Variants in HSPA4L observed in about 807,000 individuals in gnomAD.
HSPA4L encodes heat shock 70 kDa protein 4L.
HSPA4L carries 48 observed loss-of-function variants against 100.3 expected under a neutral mutation model. The observed-to-expected ratio is 0.48, with a 90% CI of 0.38 to 0.61. HSPA4L has a LOEUF of 0.61. Among genes scored for constraint, HSPA4L ranks in the 20% least tolerant of loss-of-function variants. The probability of loss-of-function intolerance (pLI) is 0.00; values close to 1 mark genes in which losing one functional copy is unlikely to be tolerated. For missense variants in HSPA4L, 886 were observed against 988.6 expected (o/e 0.90, Z 1.39); for synonymous variants, 319 against 328.2 (o/e 0.97, Z 0.30).
At chr4:127,791,302 GGAA>G (rs1235323097) in intron 1 of HSPA4L, among the ~76,000 whole-genome samples, 1 of 152,118 alleles carries the variant, frequency 6.6e-6, no homozygotes, top group Admixed American at 6.5e-5. Flanking sequence ...GGGCCCCATT[GGAA>G]GAAGAAGAAT....
rs546253814 is a variant in HSPA4L, at chr4:127,833,520, T to G, written c.*646T>G. ...TGCTTCTTTTATTAGTAATGTGGAT[T>G]GATGTTTTCTCAGAGTAACTCGTTG... On this transcript the variant is annotated 3_prime_UTR_variant, in exon 19 of 19. Coordinates refer to ENST00000296464, the MANE Select transcript of HSPA4L (RefSeq NM_014278.4). 3.3e-5 allele frequency: 5 copies of G among 152,298 alleles called. No homozygotes were observed. In the South Asian group the frequency reaches 6.2e-4, roughly 19 times the overall value. 9.4% of individuals were successfully genotyped at this position (152,298 alleles called of 1,614,324 possible).
At position 127,825,057 on chromosome 4, in the gene HSPA4L, G is replaced by A. The variant is rs866922983; in HGVS notation, c.2046+1433G>A. On this transcript the variant is annotated intron_variant, in intron 16 of 18. Transcript: ENST00000296464. ...CTGGAGGCTGAGGCAGGAGAATGGC[G>A]TGAACCCAGGAGGTGGAACTTGCAG... 2.0e-4 allele frequency among the ~76,000 whole-genome samples: 30 copies of A among 151,718 alleles called. 1 individual carries two copies. The highest frequency in any genetic ancestry group is 1.9e-4 in the East Asian group (1 of 5,168).
intron 3 of HSPA4L, among the ~76,000 whole-genome samples, chr4:127,797,890 A>G (rs907829077): frequency 6.6e-6 from 1 of 152,076 alleles, no homozygotes; most frequent in Non-Finnish European, 1.5e-5. Flanking sequence ...GAATATTCTT[A>G]TACAAAAGAA....
intron 11 of HSPA4L, among the ~76,000 whole-genome samples, chr4:127,808,784 G>A (rs1733434903): frequency 1.3e-5 from 2 of 152,130 alleles, no homozygotes; most frequent in South Asian, 2.1e-4. Context: ...TTAGCTGGGT[G>A]TGGTGGCACA....
chr4:127,805,713 A>G lies in HSPA4L; in HGVS notation c.1164A>G (p.Lys388=), dbSNP rs761190089. The G allele has an allele frequency of 1.4e-5, 22 of 1,612,496 alleles. 2 individuals carry two copies. The South Asian group carries it at 2.4e-4, about 18-fold the overall frequency. Residue 388 remains lysine, a synonymous_variant, in exon 10 of 19, where the codon AAA becomes AAG. Coordinates refer to ENST00000296464, the MANE Select transcript of HSPA4L (RefSeq NM_014278.4). ...LQCAILSPAF[K]VREFSITDLV... is the part of the protein sequence containing the mutation. Reference sequence around the variant, plus strand: ...GTGCGATTCTCTCACCAGCATTTAAAGTGCGTGAATTTTCCATAACAGACC... The same window carrying G: ...GTGCGATTCTCTCACCAGCATTTAAGGTGCGTGAATTTTCCATAACAGACC...
chr4:127,812,225 C>T (rs1348252220), intron 12 of HSPA4L, among the ~76,000 whole-genome samples: 1 of 151,686 alleles, frequency 6.6e-6, no homozygotes, highest in Non-Finnish European at 1.5e-5. Context: ...CTGGCTAACA[C>T]AATGAAACCC....
rs746542920 is a variant in HSPA4L, at chr4:127,822,806, G to T, written c.1850G>T (p.Arg617Ile). The change falls in exon 15 of 19, where the codon AGA becomes ATA. Residue 617 changes from arginine to isoleucine, a missense_variant. By Grantham distance (97) the Arg-to-Ile change is moderately conservative. Transcript: ENST00000296464. ...MIMQDKLEKE[R>I]NDAKNAVEEY... ...ATGCAAGATAAGTTAGAGAAAGAAA[G>T]AAATGATGCTAAGAATGCCGTTGAA... The T allele has an allele frequency of 3.1e-6, 5 of 1,613,680 alleles. No individual in the cohort carries two copies. The South Asian group carries it at 5.5e-5, about 18-fold the overall frequency.
chr4:127,816,230 G>A (rs1733666907), intron 12 of HSPA4L, among the ~76,000 whole-genome samples: 1 of 152,044 alleles, frequency 6.6e-6, no homozygotes, highest in African/African-American at 2.4e-5. Context: ...CAACTCCCAT[G>A]GAGTTTAAAA....
chr4:127,814,723 C>T (rs910382178), intron 12 of HSPA4L, among the ~76,000 whole-genome samples: 2 of 152,076 alleles, frequency 1.3e-5, no homozygotes, highest in African/African-American at 4.8e-5. Flanking sequence ...TACGCCACCA[C>T]GCCTGGCAGA....
chr4:127,828,593 C>T (rs1262613744), intron 17 of HSPA4L, among the ~76,000 whole-genome samples: 1 of 152,066 alleles, frequency 6.6e-6, no homozygotes, highest in African/African-American at 2.4e-5. Flanking sequence ...AGAAGAATTA[C>T]TTATTTTAGA....
chr4:127,832,487 G>T (rs539103033), intron 18 of HSPA4L, among the ~76,000 whole-genome samples, 196 bp from the exon 19 acceptor site: 1 of 152,116 alleles, frequency 6.6e-6, no homozygotes, highest in African/African-American at 2.4e-5. Flanking sequence ...AATAATTTTT[G>T]ACTGCCACAG....
chr4:127,812,408 C>CAA (rs769753070), intron 12 of HSPA4L, among the ~76,000 whole-genome samples: 8 of 62,814 alleles, frequency 1.3e-4, no homozygotes, highest in Admixed American at 8.6e-4. Flanking sequence ...GACTCCATCT[C>CAA]AAAAAAAAAA....
chr4:127,817,163 T>C (rs1474989685), intron 12 of HSPA4L, among the ~76,000 whole-genome samples: 1 of 152,066 alleles, frequency 6.6e-6, no homozygotes, highest in African/African-American at 2.4e-5. Context: ...CCTCCCGGGT[T>C]CAAGCAGTTC....
chr4:127,787,253 G>T (rs1214314570), intron 1 of HSPA4L, among the ~76,000 whole-genome samples: 3 of 152,140 alleles, frequency 2.0e-5, no homozygotes, highest in Non-Finnish European at 4.4e-5. Context: ...GCCAAATCGG[G>T]GGGTTAACTG....
chr4:127,806,427 G>C (rs1310522117), intron 10 of HSPA4L, among the ~76,000 whole-genome samples: 1 of 151,874 alleles, frequency 6.6e-6, no homozygotes, highest in Admixed American at 6.6e-5. Flanking sequence ...TTTAGCCAAA[G>C]AATATGCACA....
At position 127,834,081 on chromosome 4, in the gene HSPA4L, T is replaced by C. The variant is rs1040912287; in HGVS notation, c.*1207T>C. ...AAGGGACTGTAAACTTAAGATGTAT[T>C]TTAAGGACTTTATCTGTGCTTCATC... On this transcript the variant is annotated 3_prime_UTR_variant, in exon 19 of 19. Transcript: ENST00000296464. 1 of 152,156 alleles carries C rather than the reference T, an allele frequency of 6.6e-6. No individual in the cohort carries two copies. Among genetic ancestry groups the C allele is most frequent in the Non-Finnish European group, 1.5e-5 (1 of 68,006 alleles). The allele number at this position is 152,156 out of a possible 1,614,324, so 9.4% of individuals were successfully genotyped here.
rs1215967047 is a variant in HSPA4L, at chr4:127,833,032, T to G, written c.*158T>G. The stretch of plus-strand genomic sequence containing the variant: ...AAAAGTGTTTTATATTGAGTGCACT[T>G]CTGTTCATTTCCATTGCTGCTTATA... On this transcript the variant is annotated 3_prime_UTR_variant, in exon 19 of 19. Coordinates refer to ENST00000296464, the MANE Select transcript of HSPA4L (RefSeq NM_014278.4). The G allele has an allele frequency of 4.1e-6, 2 of 482,688 alleles. No individual in the cohort carries two copies. Among genetic ancestry groups the G allele is most frequent in the Non-Finnish European group, 7.2e-6 (2 of 278,184 alleles). 29.9% of individuals were successfully genotyped at this position (482,688 alleles called of 1,614,324 possible).
intron 17 of HSPA4L, among the ~76,000 whole-genome samples, 192 bp downstream of exon 17, chr4:127,827,616 C>T (rs1319082196): frequency 6.6e-6 from 1 of 151,964 alleles, no homozygotes; most frequent in Non-Finnish European, 1.5e-5. Context: ...ATTTGAAATA[C>T]AGTAAAGGTA....
chr4:127,801,604 A>C (rs1733185009), intron 5 of HSPA4L, among the ~76,000 whole-genome samples, 181 bp from the exon 6 acceptor site: 1 of 152,110 alleles, frequency 6.6e-6, no homozygotes, highest in Non-Finnish European at 1.5e-5. Context: ...ACAGAGTTAT[A>C]GATGAGTAAG....
Sources: gnomAD v4.1 joint callset for allele counts (sites outside exome capture counted in the v4.1 genomes callset) on GRCh38, gnomAD v4.1.1 for gene constraint, MANE v1.5 for transcripts, NCBI Gene and HGNC (gene_info 2026-07-23, HGNC 2026-07-21) for gene names.